The following OPRM1 variants were observed in gnomAD, a reference collection of about 807,000 sequenced individuals.
The protein encoded by OPRM1 is mu-type opioid receptor.
Under a neutral mutation model 31.8 loss-of-function variants are expected in OPRM1, and 27 were observed. That is an observed-to-expected ratio of 0.85 (90% confidence interval 0.63 to 1.17). The LOEUF is 1.17. Among genes scored for constraint, OPRM1 ranks in the 50% most tolerant of loss-of-function variants. OPRM1 has a pLI of 0.00. For synonymous variants in OPRM1, 196 were observed against 189.9 expected, an observed-to-expected ratio of 1.03 and a Z score of -0.26; for missense variants, 536 against 511.1, an observed-to-expected ratio of 1.05 and a Z score of -0.47.
chr6:154,024,770 C>A (rs1194828150), intron 1 of OPRM1, among the ~76,000 whole-genome samples: 2 of 151,220 alleles, frequency 1.3e-5, no homozygotes, highest in African/African-American at 2.4e-5. Context: ...GAATTTTTTT[C>A]AATCTCCTCC....
rs9282819 is a variant in OPRM1 at position 154,039,741 on chromosome 6, C to T, written c.197C>T (p.Ser66Phe). Residue 66 changes from serine (S) to phenylalanine (F), a missense_variant, in exon 1 of 4, where the codon TCC becomes TTC. Ser to Phe is a radical substitution (Grantham distance 155). Transcript: ENST00000330432. ...CTGTGCCCTCCGACCGGCAGTCCCT[C>T]CATGATCACGGCCATCACGATCATG... ...DSLCPPTGSP[S>F]MITAITIMAL... 4.2e-5 allele frequency: 67 copies of T among 1,609,098 alleles called. No homozygotes were observed. Among genetic ancestry groups the T allele is most frequent in the South Asian group, 2.9e-4 (26 of 91,066 alleles).
intron 3 of OPRM1, among the ~76,000 whole-genome samples, chr6:154,205,997 C>T (rs1266318094): frequency 1.3e-5 from 2 of 152,108 alleles, no homozygotes; most frequent in East Asian, 1.9e-4. Context: ...ACATCTGAGG[C>T]TTTTGCCAAA....
At chr6:154,145,057 T>C (rs1208629227) in intron 3 of OPRM1, among the ~76,000 whole-genome samples, 2 of 114,366 alleles carry the variant, frequency 1.7e-5, no homozygotes, top group East Asian at 4.8e-4. Context: ...AGACTGGATG[T>C]TTTCTCCCTA....
chr6:154,246,012 G>A (rs574200562), intron 3 of OPRM1, among the ~76,000 whole-genome samples: 2 of 152,220 alleles, frequency 1.3e-5, no homozygotes, highest in Admixed American at 6.5e-5. Context: ...CTAGTTTAAT[G>A]CCATCACAGA....
intron 1 of OPRM1, among the ~76,000 whole-genome samples, chr6:154,021,351 T>C (rs1314126105): frequency 2.0e-5 from 3 of 152,356 alleles, no homozygotes; most frequent in Admixed American, 1.3e-4. Context: ...CCACACTGTC[T>C]TTATTACTGT....
At chr6:154,235,577 T>TA (rs1780066962) in intron 3 of OPRM1, among the ~76,000 whole-genome samples, 1 of 151,792 alleles carries the variant, frequency 6.6e-6, no homozygotes, top group Non-Finnish European at 1.5e-5. Flanking sequence ...TTAAGTCTTT[T>TA]AAAATCACAG....
chr6:154,158,757 T>A lies in OPRM1; in HGVS notation c.1164+67285T>A, dbSNP rs182347120. ...AATATATACTAAGCACAATATATAA[T>A]AGTATATCATCTTTTAAACACTAGT... is the stretch of plus-strand genomic sequence containing the variant. On this transcript the variant is annotated intron_variant, in intron 3 of 3. Coordinates refer to the OPRM1 transcript ENST00000337049. 2.0e-5 allele frequency: 3 copies of A among 152,286 alleles called. No individual in the cohort carries two copies. The East Asian group carries it at 5.8e-4, about 29-fold the overall frequency. 9.4% of individuals were successfully genotyped at this position (152,286 alleles called of 1,614,324 possible). A position where few individuals can be genotyped will look rare whatever the true frequency, so the allele number is the denominator to read the frequency against.
intron 1 of OPRM1, among the ~76,000 whole-genome samples, chr6:154,051,452 C>G (rs968355640): frequency 6.6e-6 from 1 of 152,206 alleles, no homozygotes; most frequent in South Asian, 2.1e-4. Flanking sequence ...AGGTAAGACT[C>G]TCATCTCATT....
chr6:154,227,730 T>C (rs1279196630), intron 3 of OPRM1, among the ~76,000 whole-genome samples: 2 of 152,102 alleles, frequency 1.3e-5, no homozygotes, highest in Non-Finnish European at 2.9e-5. Context: ...AAAAAATTAA[T>C]TAATTAATTA....
intron 1 of OPRM1, among the ~76,000 whole-genome samples, chr6:154,055,487 C>T (rs1394875112): frequency 6.6e-6 from 1 of 152,092 alleles, no homozygotes; most frequent in Non-Finnish European, 1.5e-5. Flanking sequence ...CATCAGTATG[C>T]AACCTACCAA....
intron 3 of OPRM1, chr6:154,218,964 G>A (rs901257258): frequency 4.6e-5 from 7 of 152,126 alleles, no homozygotes; most frequent in African/African-American, 1.2e-4. Context: ...AGATCTTGAC[G>A]TTGATAACTG....
At chr6:154,214,324 C>T (rs181721099) in intron 3 of OPRM1, 2 of 1,191,710 alleles carry the variant, frequency 1.7e-6, no homozygotes, top group Non-Finnish European at 1.3e-6. Flanking sequence ...ATTAGCCCCC[C>T]ACCCATTCAC....
intron 3 of OPRM1, among the ~76,000 whole-genome samples, chr6:154,184,814 ATTGT>A (rs773645032): frequency 6.6e-6 from 1 of 152,116 alleles, no homozygotes; most frequent in East Asian, 1.9e-4. Context: ...ATCTTTCTAG[ATTGT>A]TTGAGATTTT....
intron 3 of OPRM1, chr6:154,221,364 A>C (rs1262933106): frequency 1.3e-6 from 2 of 1,523,660 alleles, no homozygotes; most frequent in African/African-American, 1.4e-5. Flanking sequence ...ATAAAAAATT[A>C]GTGTTTATAG....
At chr6:154,246,453 G>C in intron 3 of OPRM1, 1 of 975,368 alleles carries the variant, frequency 1.0e-6, no homozygotes, top group Non-Finnish European at 1.5e-6. Context: ...ACCAGAAATG[G>C]CTTCTATAAC....
At chr6:154,189,319 C>G (rs534475216) in intron 3 of OPRM1, among the ~76,000 whole-genome samples, 2 of 152,278 alleles carry the variant, frequency 1.3e-5, no homozygotes, top group Admixed American at 1.3e-4. Flanking sequence ...ATTTATAAAG[C>G]AATTTCATCT....
chr6:154,168,199 C>T lies in OPRM1; in HGVS notation c.1164+76727C>T, dbSNP rs910171040. ...CATTCAATACTGTGGTCCCAAGGCACGGCCCCACTGGCACCCTCATCTCAG... is the reference window on the plus strand; with the variant it reads ...CATTCAATACTGTGGTCCCAAGGCATGGCCCCACTGGCACCCTCATCTCAG... On this transcript the variant is annotated intron_variant, in intron 3 of 3. Coordinates refer to the OPRM1 transcript ENST00000337049. This position sits in a 1 kb window ranked among gnomAD's most constrained non-coding sequence, Gnocchi z 4.1. 33 of 966,978 alleles carry T rather than the reference C, an allele frequency of 3.4e-5. No individual in the cohort carries two copies. The highest frequency in any genetic ancestry group is 4.9e-5 in the African/African-American group (3 of 61,772). The allele number at this position is 966,978 out of a possible 1,614,324, so 59.9% of individuals were successfully genotyped here. A position where few individuals can be genotyped will look rare whatever the true frequency, so the allele number is the denominator to read the frequency against.
intron 3 of OPRM1, among the ~76,000 whole-genome samples, chr6:154,138,686 A>C (rs1798123668): frequency 6.6e-6 from 1 of 152,218 alleles, no homozygotes; most frequent in Non-Finnish European, 1.5e-5. Flanking sequence ...CTTTGGGAGG[A>C]ACTTAGTTTA....
chr6:154,024,128 T>C (rs181018107), intron 1 of OPRM1, among the ~76,000 whole-genome samples: 4 of 152,274 alleles, frequency 2.6e-5, no homozygotes, highest in Admixed American at 2.6e-4. Context: ...TTAGTTCTTC[T>C]TTAAATGTTT....
Sources: gnomAD v4.1 joint callset for allele counts (sites outside exome capture counted in the v4.1 genomes callset) on GRCh38, gnomAD v4.1.1 for gene constraint, Gnocchi (gnomAD v3.1) non-coding constraint, MANE v1.5 for transcripts, NCBI Gene and HGNC (gene_info 2026-07-23, HGNC 2026-07-21) for gene names.